Variants in EYS observed in about 807,000 individuals in gnomAD.
The protein encoded by EYS is protein eyes shut homolog.
EYS carries 250 observed loss-of-function variants against 282.1 expected under a neutral mutation model. That is an observed-to-expected ratio of 0.89 (90% CI 0.80 to 0.98). EYS has a LOEUF of 0.98. Ranked by LOEUF, EYS falls within the 50% of genes least tolerant of loss-of-function variation. The pLI is 0.00. For missense variants in EYS, 4,016 were observed against 3,709.0 expected, an observed-to-expected ratio of 1.08 and a Z score of -2.15; for synonymous variants, 1,355 against 1,282.9, an observed-to-expected ratio of 1.06 and a Z score of -1.20.
chr6:65,161,404 T>C (rs1300336812), intron 12 of EYS, among the ~76,000 whole-genome samples: 1 of 151,054 alleles, frequency 6.6e-6, no homozygotes, highest in Non-Finnish European at 1.5e-5. Flanking sequence ...TACAAGCCTC[T>C]CTCAGAGCAT....
chr6:63,813,489 T>G (rs1771100469), intron 36 of EYS, among the ~76,000 whole-genome samples: 1 of 152,212 alleles, frequency 6.6e-6, no homozygotes, highest in East Asian at 1.9e-4. Context: ...ATGATACCTT[T>G]AAGATCATGC....
At position 64,827,968 on chromosome 6, in the gene EYS, G is replaced by A. The variant is rs957388219; in HGVS notation, c.2993-5146C>T. ...AGAAAGGTTGAAATTATCAGAGAAG[G>A]AATTTAAAATAATGATTTAGAACAT... On this transcript the variant is annotated intron_variant, in intron 19 of 42. Transcript: ENST00000503581. Among the ~76,000 whole-genome samples, 3 of 151,600 alleles carry A rather than the reference G, an allele frequency of 2.0e-5. No individual in the cohort carries two copies. In the Admixed American group the frequency reaches 2.0e-4, roughly 10 times the overall value.
In EYS at chr6:63,903,202, CA is replaced by C. The variant is rs577021249; in HGVS notation, c.7056-38845del. 2.5e-4 allele frequency among the ~76,000 whole-genome samples: 38 copies of C among 152,020 alleles called. No homozygotes were observed. The East Asian group carries it at 7.0e-3, about 28-fold the overall frequency. ...TATATGGAAGAATGAACATATTGATCAAATATGGAATCTAAGCTGGGAGTGG... is the reference window on the plus strand; with the variant it reads ...TATATGGAAGAATGAACATATTGATCAATATGGAATCTAAGCTGGGAGTGG... On this transcript the variant is annotated intron_variant, in intron 35 of 42. Coordinates refer to ENST00000503581, the MANE Select transcript of EYS (RefSeq NM_001142800.2).
intron 35 of EYS, among the ~76,000 whole-genome samples, chr6:63,881,922 G>C (rs915565775): frequency 6.6e-6 from 1 of 152,196 alleles, no homozygotes; most frequent in Non-Finnish European, 1.5e-5. Flanking sequence ...TGTTATCCTT[G>C]AGACTTAGAC....
chr6:64,547,787 C>A (rs563735800), intron 26 of EYS, among the ~76,000 whole-genome samples: 3 of 152,140 alleles, frequency 2.0e-5, no homozygotes, highest in East Asian at 1.9e-4. Flanking sequence ...CGGCGTTGGT[C>A]GGGGCGGCTC....
chr6:64,545,515 G>A (rs752726790), intron 26 of EYS, among the ~76,000 whole-genome samples: 7 of 152,134 alleles, frequency 4.6e-5, no homozygotes, highest in Non-Finnish European at 1.0e-4. Flanking sequence ...TGGAAGTTCT[G>A]GCCAGGGCAA....
intron 2 of EYS, among the ~76,000 whole-genome samples, chr6:65,557,241 A>G (rs1768851757): frequency 6.6e-6 from 1 of 152,102 alleles, no homozygotes; most frequent in South Asian, 2.1e-4. Context: ...GGCTTCACTC[A>G]TCTCACGCTG....
chr6:65,095,113 T>C (rs903695858), intron 12 of EYS, among the ~76,000 whole-genome samples: 13 of 151,322 alleles, frequency 8.6e-5, no homozygotes, highest in African/African-American at 3.1e-4. Flanking sequence ...CCTAGAAACA[T>C]ACAACCTACT....
In EYS at chr6:65,344,190, A is replaced by C; in HGVS notation, c.1460-13T>G. The C allele has an allele frequency of 6.3e-7, 1 of 1,592,678 alleles. No individual in the cohort carries two copies. The highest frequency in any genetic ancestry group is 2.3e-5 in the East Asian group (1 of 44,300). On this transcript the variant is annotated splice_polypyrimidine_tract_variant and intron_variant, in intron 9 of 42. Transcript: ENST00000503581. ...TCGCCTTCAGATCCTTTAAAAAAAA[A>C]GAGATAAAAAATTAAATAAACTCTT...
chr6:63,915,641 C>T (rs1764403522), intron 35 of EYS, among the ~76,000 whole-genome samples: 1 of 152,174 alleles, frequency 6.6e-6, no homozygotes, highest in African/African-American at 2.4e-5. Flanking sequence ...ATTCACCATT[C>T]TATATGCCAT....
intron 30 of EYS, among the ~76,000 whole-genome samples, chr6:64,234,321 A>G (rs1019399282): frequency 6.6e-6 from 1 of 152,014 alleles, no homozygotes; most frequent in East Asian, 1.9e-4. Context: ...TTGTCTTTCC[A>G]TTTATTAGAT....
intron 2 of EYS, among the ~76,000 whole-genome samples, chr6:65,554,947 T>C (rs1768741710): frequency 6.6e-6 from 1 of 152,136 alleles, no homozygotes; most frequent in South Asian, 2.1e-4. Context: ...TGCATTCATA[T>C]GTTGTTTTCA....
At chr6:64,648,864 G>C (rs1478865356) in intron 22 of EYS, among the ~76,000 whole-genome samples, 2 of 152,088 alleles carry the variant, frequency 1.3e-5, no homozygotes, top group Admixed American at 6.6e-5. Context: ...TTTACATGGA[G>C]TTTAATATCT....
intron 2 of EYS, among the ~76,000 whole-genome samples, chr6:65,555,347 A>C (rs577319816): frequency 2.0e-4 from 30 of 152,226 alleles, no homozygotes; most frequent in African/African-American, 7.2e-4. Context: ...GTAAGAAATA[A>C]ATTTACCACC....
chr6:65,335,257 C>G, intron 10 of EYS, 111 bp from the exon 11 acceptor site: 1 of 806,238 alleles, frequency 1.2e-6, no homozygotes, highest in Non-Finnish European at 2.1e-6. Context: ...TAAGATGAAA[C>G]CTAGGGTTAA....
At chr6:64,520,815 G>A (rs558015202) in intron 26 of EYS, among the ~76,000 whole-genome samples, 17 of 151,608 alleles carry the variant, frequency 1.1e-4, no homozygotes, top group Non-Finnish European at 1.9e-4. Context: ...ATCATTTCTT[G>A]GAACTTAAAA....
At chr6:63,901,897 TTTA>T (rs200834490) in intron 35 of EYS, among the ~76,000 whole-genome samples, 1,656 of 152,212 alleles carry the variant, frequency 0.011, 32 homozygotes, top group African/African-American at 0.038. Context: ...TATTTATTTA[TTTA>T]TTATTTAATT....
chr6:65,503,988 A>G (rs1425730403), intron 2 of EYS, among the ~76,000 whole-genome samples: 1 of 151,682 alleles, frequency 6.6e-6, no homozygotes, highest in Non-Finnish European at 1.5e-5. Context: ...ATTTTGGCAA[A>G]ATAGCTTGAT....
intron 29 of EYS, among the ~76,000 whole-genome samples, chr6:64,343,269 A>G (rs1771211602): frequency 3.9e-5 from 6 of 151,952 alleles, no homozygotes; most frequent in Admixed American, 3.9e-4. Context: ...TTTCAGCACC[A>G]CACCACACCT....
Sources: allele counts gnomAD v4.1 joint callset (sites outside exome capture counted in the v4.1 genomes callset), GRCh38; gene constraint gnomAD v4.1.1; transcripts MANE v1.5; gene names NCBI Gene and HGNC (gene_info 2026-07-23, HGNC 2026-07-21).